The following ARFGEF3 variants were observed in gnomAD, a reference collection of about 807,000 sequenced individuals.
The protein encoded by ARFGEF3 is ARFGEF family member 3.
ARFGEF3 carries 96 observed loss-of-function variants against 221.7 expected under a neutral mutation model. The observed-to-expected ratio is 0.43, with a 90% confidence interval of 0.37 to 0.51. The LOEUF is 0.51. Among genes scored for constraint, ARFGEF3 ranks in the 20% least tolerant of loss-of-function variants. The pLI is 0.00. For missense variants in ARFGEF3, 2,410 were observed against 2,789.9 expected, an observed-to-expected ratio of 0.86 and a Z score of 3.07; for synonymous variants, 1,145 against 1,126.8, an observed-to-expected ratio of 1.02 and a Z score of -0.32.
At chr6:138,253,298 A>C (rs940065675) in intron 8 of ARFGEF3, among the ~76,000 whole-genome samples, 17 of 147,248 alleles carry the variant, frequency 1.2e-4, no homozygotes, top group Non-Finnish European at 2.2e-4. Context: ...TGCTCTAAAA[A>C]GTAAAGTTTA....
At chr6:138,230,633 C>T (rs926189856) in intron 5 of ARFGEF3, among the ~76,000 whole-genome samples, 3 of 152,106 alleles carry the variant, frequency 2.0e-5, no homozygotes, top group East Asian at 3.8e-4. Flanking sequence ...GATACATGTG[C>T]TTTTTATGGT....
At chr6:138,178,290 C>T (rs777125279) in intron 2 of ARFGEF3, among the ~76,000 whole-genome samples, 194 of 152,236 alleles carry the variant, frequency 1.3e-3, no homozygotes, top group Non-Finnish European at 1.6e-3. Context: ...AGACCAAAAC[C>T]ACAGGTCTAG....
At position 138,291,334 on chromosome 6, in the gene ARFGEF3, G is replaced by A. The variant is rs975786468; in HGVS notation, c.3048-399G>A. Among the ~76,000 whole-genome samples the A allele has an allele frequency of 1.3e-5, 2 of 152,132 alleles. No individual in the cohort carries two copies. Among genetic ancestry groups the A allele is most frequent in the South Asian group, 2.1e-4 (1 of 4,824 alleles). Reference sequence around the variant, plus strand: ...TTCTGGGATCCCATCGTAGGGAAACGCTTCCCAACTCCTAATCAGAGCACT... The same window carrying A: ...TTCTGGGATCCCATCGTAGGGAAACACTTCCCAACTCCTAATCAGAGCACT... On this transcript the variant is annotated intron_variant, in intron 18 of 33. Transcript: ENST00000251691. The surrounding 1 kb of genome is among the most constrained non-coding windows in gnomAD (Gnocchi z 4.5).
chr6:138,226,029 C>G (rs1778078010), intron 4 of ARFGEF3, among the ~76,000 whole-genome samples: 1 of 152,164 alleles, frequency 6.6e-6, no homozygotes, highest in Admixed American at 6.5e-5. Context: ...AATTAAACAC[C>G]AAATCACATG....
In ARFGEF3 at chr6:138,335,043, G is replaced by A. The variant is rs1351780050; in HGVS notation, c.6197G>A (p.Arg2066His). ...PRGQDSPLLQ[R>H]PQHLMDQGQM... ...GGCCAGGACTCCCCGCTGCTTCAGC[G>A]TCCCCAGCACTTGATGGACCAAGGG... The change falls in exon 33 of 34, where the codon CGT becomes CAT. Residue 2066 changes from arginine to histidine, a missense_variant. Transcript: ENST00000251691. 15 of 1,595,860 alleles carry A rather than the reference G, an allele frequency of 9.4e-6. No homozygotes were observed. In the Admixed American group the frequency reaches 1.9e-4, roughly 20 times the overall value.
intron 6 of ARFGEF3, among the ~76,000 whole-genome samples, chr6:138,240,456 C>T (rs1249517258): frequency 6.6e-6 from 1 of 151,976 alleles, no homozygotes; most frequent in Non-Finnish European, 1.5e-5. Context: ...AGTCAAATAT[C>T]CCAGCCTTTT....
chr6:138,203,813 TTG>T (rs1777579791), intron 2 of ARFGEF3, among the ~76,000 whole-genome samples: 1 of 152,092 alleles, frequency 6.6e-6, no homozygotes, highest in Non-Finnish European at 1.5e-5. Context: ...GCTGATTTTT[TTG>T]CATTTTTAGT....
intron 8 of ARFGEF3, among the ~76,000 whole-genome samples, chr6:138,247,026 A>G (rs1017862077): frequency 6.6e-6 from 1 of 152,228 alleles, no homozygotes; most frequent in East Asian, 1.9e-4. Context: ...AAAAGCCTAT[A>G]TAATACATGG....
intron 4 of ARFGEF3, among the ~76,000 whole-genome samples, chr6:138,218,977 T>G (rs1777928920): frequency 6.6e-6 from 1 of 152,208 alleles, no homozygotes; most frequent in Non-Finnish European, 1.5e-5. Context: ...GGAAATATAT[T>G]TTTGTTGCCA....
At chr6:138,327,971 C>G (rs566929776) in intron 31 of ARFGEF3, 50 bp from the exon 32 acceptor site, 2 of 1,501,884 alleles carry the variant, frequency 1.3e-6, no homozygotes, top group Non-Finnish European at 1.8e-6. Flanking sequence ...CCTGACAGGT[C>G]AAGCAGAGGA....
intron 13 of ARFGEF3, among the ~76,000 whole-genome samples, chr6:138,279,035 G>A (rs942866957): frequency 2.7e-4 from 41 of 152,032 alleles, no homozygotes; most frequent in Admixed American, 6.5e-5. Context: ...TTTTGAGACA[G>A]AGCCCCGCTT....
At chr6:138,223,023 G>A (rs1260358606) in intron 4 of ARFGEF3, among the ~76,000 whole-genome samples, 5 of 152,112 alleles carry the variant, frequency 3.3e-5, no homozygotes, top group Non-Finnish European at 2.9e-5. Flanking sequence ...GCCATTTTGC[G>A]AACTTCAGAA....
intron 6 of ARFGEF3, among the ~76,000 whole-genome samples, chr6:138,240,003 A>T (rs1230672684): frequency 1.3e-5 from 2 of 152,194 alleles, no homozygotes; most frequent in East Asian, 3.8e-4. Flanking sequence ...CAGTGTTGAA[A>T]ACAACACTAA....
At position 138,307,266 on chromosome 6, in the gene ARFGEF3, T is replaced by C; in HGVS notation, c.3842T>C (p.Ile1281Thr). ...TGCCTCTACCAGGTTGTCACATCCA[T>C]TGGTGAGCTGGTTGAAGTGTGTTCC... Reference protein sequence around the residue: ...EDVQDQVVTSIGELVEVCSTQ... With the variant: ...EDVQDQVVTSTGELVEVCSTQ... Residue 1281 changes from isoleucine to threonine, a missense_variant, in exon 23 of 34, where the codon ATT becomes ACT. This residue lies in a region of ARFGEF3 where 723 missense variants were observed against 991.9 expected (regional missense o/e 0.73). Transcript: ENST00000251691. The C allele has an allele frequency of 6.8e-6, 11 of 1,613,724 alleles. No individual in the cohort carries two copies. Among genetic ancestry groups the C allele is most frequent in the Non-Finnish European group, 9.3e-6 (11 of 1,179,712 alleles).
At chr6:138,195,245 C>A (rs1441281329) in intron 2 of ARFGEF3, among the ~76,000 whole-genome samples, 1 of 152,046 alleles carries the variant, frequency 6.6e-6, no homozygotes, top group Non-Finnish European at 1.5e-5. Flanking sequence ...CTCAGATGAT[C>A]TGCCCTCCTC....
At chr6:138,286,651 C>A in intron 15 of ARFGEF3, 50 bp from the exon 16 acceptor site, 1 of 1,481,820 alleles carries the variant, frequency 6.7e-7, no homozygotes, top group South Asian at 1.1e-5. Context: ...TCATTCATTG[C>A]CAGGTTGTTT....
In ARFGEF3 at chr6:138,336,660, T is replaced by C. The variant is rs1444937583; in HGVS notation, c.*174T>C. The stretch of plus-strand genomic sequence containing the variant: ...CAACCACTGATCAGCATTGGGGCCA[T>C]ACTAAGGTTTGTATCTAGATGACAC... On this transcript the variant is annotated 3_prime_UTR_variant, in exon 34 of 34. Transcript: ENST00000251691. 3 of 470,854 alleles carry C rather than the reference T, an allele frequency of 6.4e-6. No homozygotes were observed. The highest frequency in any genetic ancestry group is 1.1e-5 in the Non-Finnish European group (3 of 269,768). The allele number at this position is 470,854 out of a possible 1,614,324, so 29.2% of individuals were successfully genotyped here. A position where few individuals can be genotyped will look rare whatever the true frequency, so the allele number is the denominator to read the frequency against.
intron 8 of ARFGEF3, among the ~76,000 whole-genome samples, chr6:138,248,821 G>A (rs986206302): frequency 8.6e-5 from 13 of 152,014 alleles, no homozygotes; most frequent in East Asian, 1.9e-4. Flanking sequence ...GCAAAACTCC[G>A]AAATAAATAA....
chr6:138,298,588 C>G lies in ARFGEF3; in HGVS notation c.3649-18C>G, dbSNP rs773794116. ...TCTGCTGTCCTGATGGTGAGCCACT[C>G]TCTCGTGAATTTTGCAGGCTGCTTG... On this transcript the variant is annotated intron_variant, in intron 21 of 33. Coordinates refer to ENST00000251691, the MANE Select transcript of ARFGEF3 (RefSeq NM_020340.5). The G allele has an allele frequency of 5.0e-6, 8 of 1,605,282 alleles. No individual in the cohort carries two copies. Among genetic ancestry groups the G allele is most frequent in the Non-Finnish European group, 6.8e-6 (8 of 1,175,182 alleles).
Sources: gnomAD v4.1 joint callset for allele counts (sites outside exome capture counted in the v4.1 genomes callset) on GRCh38, gnomAD v4.1.1 for gene constraint, gnomAD v4.1.1 regional missense constraint, Gnocchi (gnomAD v3.1) non-coding constraint, MANE v1.5 for transcripts, NCBI Gene and HGNC (gene_info 2026-07-23, HGNC 2026-07-21) for gene names.